EPB41L3: variants seen among roughly 807,000 people sequenced by gnomAD.
EPB41L3 encodes the protein erythrocyte membrane protein band 4.1 like 3, also known as band 4.1-like protein 3.
Under a neutral mutation model 127.1 loss-of-function variants are expected in EPB41L3, and 57 were observed. The ratio of observed to expected loss-of-function variants is 0.45; its 90% CI spans 0.36 to 0.56. EPB41L3 has a LOEUF of 0.56. Ranked by LOEUF, EPB41L3 falls within the 20% of genes least tolerant of loss-of-function variation. EPB41L3 has a pLI of 0.00. For missense variants in EPB41L3, 1,273 were observed against 1,372.2 expected (o/e 0.93, Z 1.14); for synonymous variants, 572 against 549.5 (o/e 1.04, Z -0.57).
At chr18:5,459,501 A>G (rs1160981504) in intron 3 of EPB41L3, among the ~76,000 whole-genome samples, 1 of 152,172 alleles carries the variant, frequency 6.6e-6, no homozygotes, top group Non-Finnish European at 1.5e-5. Flanking sequence ...CCATAACTTA[A>G]CTATAACCTT....
intron 1 of EPB41L3, among the ~76,000 whole-genome samples, chr18:5,516,693 G>A (rs888252168): frequency 2.0e-5 from 3 of 152,136 alleles, no homozygotes; most frequent in African/African-American, 4.8e-5. Flanking sequence ...TAACAAGACA[G>A]ACTTGGTTTT....
rs369470003 is a variant in EPB41L3 at position 5,438,086 on chromosome 18, T to C, written c.554A>G (p.Asn185Ser). Residue 185 changes from asparagine to serine, a missense_variant, in exon 6 of 23, where the codon AAT (asparagine) becomes AGT (serine). Physicochemically the swap from Asn to Ser is conservative, Grantham distance 46. Coordinates refer to ENST00000341928, the MANE Select transcript of EPB41L3 (RefSeq NM_012307.5). ...VRSGAWHFSF[N>S]VKFYPPDPAQ... ...AGGGTCTGGTGGATAAAATTTCACA[T>C]TAAATGAAAAGTGCCAAGCACCACC... is the stretch of plus-strand genomic sequence containing the variant. The C allele has an allele frequency of 6.2e-7, 1 of 1,613,686 alleles. No individual in the cohort carries two copies. Among genetic ancestry groups the C allele is most frequent in the African/African-American group, 1.3e-5 (1 of 74,912 alleles).
intron 1 of EPB41L3, among the ~76,000 whole-genome samples, chr18:5,502,910 G>C (rs2148536775): frequency 6.6e-6 from 1 of 152,332 alleles, no homozygotes; most frequent in South Asian, 2.1e-4. Flanking sequence ...CAGCTGGAGA[G>C]GGTAACACTA....
At chr18:5,591,344 C>T (rs1217206649) in intron 3 of EPB41L3, among the ~76,000 whole-genome samples, 1 of 125,372 alleles carries the variant, frequency 8.0e-6, no homozygotes, top group Non-Finnish European at 1.9e-5. Flanking sequence ...AGAGCAAGCG[C>T]CATCAGATTT....
chr18:5,520,684 C>T (rs1008516721), intron 1 of EPB41L3, among the ~76,000 whole-genome samples: 2 of 152,076 alleles, frequency 1.3e-5, no homozygotes, highest in African/African-American at 4.8e-5. Context: ...TCATAAACTC[C>T]TGCTATCATG....
At chr18:5,440,763 C>T (rs998765927) in intron 5 of EPB41L3, among the ~76,000 whole-genome samples, 4 of 152,222 alleles carry the variant, frequency 2.6e-5, no homozygotes, top group African/African-American at 7.2e-5. Flanking sequence ...CATAAAATTA[C>T]TGTATCATAA....
At chr18:5,561,231 C>T (rs2094131108) in intron 3 of EPB41L3, among the ~76,000 whole-genome samples, 1 of 152,132 alleles carries the variant, frequency 6.6e-6, no homozygotes, top group South Asian at 2.1e-4. Context: ...CCCGCCTCGG[C>T]CTCCCAAAGT....
intron 3 of EPB41L3, among the ~76,000 whole-genome samples, chr18:5,473,464 C>T (rs1022391605): frequency 2.0e-5 from 3 of 151,098 alleles, no homozygotes; most frequent in South Asian, 2.1e-4. Context: ...AAATATGGAC[C>T]GAAATTTGAG....
intron 13 of EPB41L3, among the ~76,000 whole-genome samples, chr18:5,412,916 T>C (rs1391221483): frequency 1.3e-5 from 2 of 151,956 alleles, no homozygotes; most frequent in Non-Finnish European, 2.9e-5. Context: ...ATATAATTAT[T>C]CCTATTTTTC....
At chr18:5,498,269 A>G (rs149193681) in intron 1 of EPB41L3, among the ~76,000 whole-genome samples, 32 of 152,352 alleles carry the variant, frequency 2.1e-4, no homozygotes, top group African/African-American at 6.7e-4. Flanking sequence ...CTGTGCTTAT[A>G]GCAGTTCATT....
intron 3 of EPB41L3, among the ~76,000 whole-genome samples, chr18:5,553,583 A>G (rs1470266858): frequency 4.6e-5 from 7 of 152,256 alleles, no homozygotes; most frequent in Non-Finnish European, 8.8e-5. Context: ...CAAGAAGAGC[A>G]GTCTACAAGT....
At chr18:5,475,487 G>A (rs1018392088) in intron 3 of EPB41L3, among the ~76,000 whole-genome samples, 1 of 152,202 alleles carries the variant, frequency 6.6e-6, no homozygotes, top group African/African-American at 2.4e-5. Flanking sequence ...AAACAGGATG[G>A]CTCGCTGCCT....
intron 3 of EPB41L3, among the ~76,000 whole-genome samples, chr18:5,460,811 G>T (rs1467816401): frequency 6.6e-6 from 1 of 152,128 alleles, no homozygotes; most frequent in Non-Finnish European, 1.5e-5. Context: ...CTCAGAACAT[G>T]CATTTTGTGG....
chr18:5,557,636 C>T (rs1049848378), intron 3 of EPB41L3, among the ~76,000 whole-genome samples: 9 of 135,554 alleles, frequency 6.6e-5, no homozygotes, highest in Non-Finnish European at 9.3e-5. Context: ...CCACCCCTGT[C>T]GGCCTCCCAA....
intron 1 of EPB41L3, among the ~76,000 whole-genome samples, chr18:5,541,520 A>G (rs2093730371): frequency 6.6e-6 from 1 of 152,202 alleles, no homozygotes; most frequent in Non-Finnish European, 1.5e-5. Flanking sequence ...ACAAGATAAC[A>G]GCATCACATC....
At chr18:5,429,373 G>A (rs1211040861) in intron 8 of EPB41L3, 1 of 152,178 alleles carries the variant, frequency 6.6e-6, no homozygotes, top group East Asian at 1.9e-4. Flanking sequence ...ACCACATACA[G>A]TCTTTCCCCA....
chr18:5,582,876 A>G (rs1409421509), intron 3 of EPB41L3, among the ~76,000 whole-genome samples: 1 of 152,254 alleles, frequency 6.6e-6, no homozygotes, highest in African/African-American at 2.4e-5. Flanking sequence ...GAGCGTCAGC[A>G]GAGGCAGTGA....
At chr18:5,506,539 G>C (rs2092217732) in intron 1 of EPB41L3, among the ~76,000 whole-genome samples, 1 of 152,016 alleles carries the variant, frequency 6.6e-6, no homozygotes, top group Non-Finnish European at 1.5e-5. Context: ...CCCGTTTCCT[G>C]CCCCCTTTTC....
intron 16 of EPB41L3, chr18:5,401,032 T>C (rs1382405718): frequency 6.5e-7 from 1 of 1,534,510 alleles, no homozygotes; most frequent in Admixed American, 2.0e-5. Context: ...AAATCTCTGT[T>C]TCTTCTTTGG....
Sources: allele counts gnomAD v4.1 joint callset (sites outside exome capture counted in the v4.1 genomes callset), GRCh38; gene constraint gnomAD v4.1.1; transcripts MANE v1.5; gene names NCBI Gene and HGNC (gene_info 2026-07-23, HGNC 2026-07-21).